The following CNGB3 variants were observed in gnomAD, a reference collection of about 807,000 sequenced individuals.
CNGB3 encodes cyclic nucleotide gated channel subunit beta 3.
A neutral mutation model predicts 92.8 loss-of-function variants in CNGB3; 86 were observed. That is an observed-to-expected ratio of 0.93 (90% CI 0.78 to 1.11). The LOEUF is 1.11. Among genes scored for constraint, CNGB3 ranks in the 50% least tolerant of loss-of-function variants. CNGB3 has a pLI of 0.00. For missense variants in CNGB3, 1,026 were observed against 956.8 expected, an observed-to-expected ratio of 1.07 and a Z score of -0.95; for synonymous variants, 333 against 332.7, an observed-to-expected ratio of 1.00 and a Z score of -0.01.
At chr8:86,620,701 A>C (rs1822708251) in intron 13 of CNGB3, among the ~76,000 whole-genome samples, 1 of 152,062 alleles carries the variant, frequency 6.6e-6, no homozygotes, top group African/African-American at 2.4e-5. Flanking sequence ...GGTGGCTTTC[A>C]GTGAAGGGAG....
chr8:86,693,073 T>A (rs1452196918), intron 3 of CNGB3, among the ~76,000 whole-genome samples: 1 of 152,214 alleles, frequency 6.6e-6, no homozygotes, highest in African/African-American at 2.4e-5. Context: ...CCTTCTGGCT[T>A]GCAGGGTTCC....
chr8:86,659,576 T>TA, intron 6 of CNGB3: 3 of 564,566 alleles, frequency 5.3e-6, no homozygotes, highest in South Asian at 4.9e-5. Flanking sequence ...CTTCTTCTGC[T>TA]ATGTAGAGAC....
At chr8:86,636,146 T>A (rs1392063949) in intron 10 of CNGB3, among the ~76,000 whole-genome samples, 1 of 152,056 alleles carries the variant, frequency 6.6e-6, no homozygotes, top group Non-Finnish European at 1.5e-5. Context: ...AACCTTCTTA[T>A]TTTTTGGATG....
At chr8:86,731,324 A>T (rs1825151214) in intron 2 of CNGB3, among the ~76,000 whole-genome samples, 2 of 152,306 alleles carry the variant, frequency 1.3e-5, no homozygotes, top group Admixed American at 1.3e-4. Flanking sequence ...GGAGGACAGG[A>T]TCTTTGCATG....
chr8:86,580,717 G>C (rs944638615), intron 15 of CNGB3, among the ~76,000 whole-genome samples: 3 of 152,186 alleles, frequency 2.0e-5, no homozygotes, highest in Non-Finnish European at 2.9e-5. Flanking sequence ...TGTCGTTACC[G>C]GTGATCTGAG....
At chr8:86,699,501 A>G (rs1329614129) in intron 3 of CNGB3, among the ~76,000 whole-genome samples, 2 of 152,140 alleles carry the variant, frequency 1.3e-5, no homozygotes, top group African/African-American at 4.8e-5. Flanking sequence ...TACATAAAAA[A>G]GACTACTGAA....
intron 13 of CNGB3, among the ~76,000 whole-genome samples, chr8:86,619,432 G>T (rs1822683769): frequency 1.3e-5 from 2 of 152,036 alleles, no homozygotes; most frequent in Middle Eastern, 3.2e-3. Context: ...TCATTTTTGT[G>T]AAAAATTAAT....
intron 11 of CNGB3, among the ~76,000 whole-genome samples, chr8:86,630,226 T>C (rs1418149070): frequency 6.6e-6 from 1 of 152,146 alleles, no homozygotes; most frequent in Non-Finnish European, 1.5e-5. Flanking sequence ...TAGATCTCAC[T>C]TTTCCATGCT....
chr8:86,597,274 A>G lies in CNGB3; in HGVS notation c.1781+6819T>C, dbSNP rs572924814. ...GTAACTGTGCATGAGAGGGAGCACA[A>G]CAGCCAGGGCTCATGGCTCAGAAGT... is the stretch of plus-strand genomic sequence containing the variant. On this transcript the variant is annotated intron_variant, in intron 15 of 17. Coordinates refer to ENST00000320005, the MANE Select transcript of CNGB3 (RefSeq NM_019098.5). Among the ~76,000 whole-genome samples the G allele has an allele frequency of 3.9e-5, 6 of 152,290 alleles. No individual in the cohort carries two copies. The South Asian group carries it at 1.2e-3, about 32-fold the overall frequency.
chr8:86,686,418 A>G (rs1276489352), intron 3 of CNGB3, among the ~76,000 whole-genome samples: 1 of 152,106 alleles, frequency 6.6e-6, no homozygotes, highest in Non-Finnish European at 1.5e-5. Flanking sequence ...TGCATTTGCA[A>G]CTTGATTTCT....
chr8:86,726,476 A>G (rs1374138338), intron 3 of CNGB3, 55 bp downstream of exon 3: 19 of 1,610,762 alleles, frequency 1.2e-5, no homozygotes, highest in Non-Finnish European at 1.6e-5. Flanking sequence ...TGAGCTCTTT[A>G]GGGCAGGCTG....
intron 6 of CNGB3, among the ~76,000 whole-genome samples, chr8:86,655,786 G>A (rs1299254352): frequency 6.6e-6 from 1 of 152,208 alleles, no homozygotes; most frequent in African/African-American, 2.4e-5. Context: ...AGTGATAGAT[G>A]ACTAGAGTGG....
At chr8:86,586,576 A>T (rs1245890314) in intron 15 of CNGB3, among the ~76,000 whole-genome samples, 1 of 149,142 alleles carries the variant, frequency 6.7e-6, no homozygotes, top group African/African-American at 2.5e-5. Flanking sequence ...TATGAGTGAG[A>T]ATATGCGGTG....
chr8:86,715,209 G>C (rs1824828665), intron 3 of CNGB3, among the ~76,000 whole-genome samples: 3 of 152,046 alleles, frequency 2.0e-5, no homozygotes, highest in Admixed American at 2.0e-4. Flanking sequence ...GCTCTTGAAA[G>C]CACCACCTCC....
intron 3 of CNGB3, among the ~76,000 whole-genome samples, chr8:86,688,976 TG>T (rs1405486576): frequency 1.3e-5 from 2 of 151,866 alleles, no homozygotes; most frequent in Non-Finnish European, 2.9e-5. Flanking sequence ...CCACGGGTCT[TG>T]GTATGTTGTG....
At chr8:86,623,124 A>G (rs1822774067) in intron 13 of CNGB3, among the ~76,000 whole-genome samples, 1 of 152,108 alleles carries the variant, frequency 6.6e-6, no homozygotes, top group Admixed American at 6.6e-5. Context: ...TCTTCTTTCC[A>G]TACTTACATC....
chr8:86,589,175 G>A (rs1271463577), intron 15 of CNGB3, among the ~76,000 whole-genome samples: 20 of 148,190 alleles, frequency 1.3e-4, no homozygotes, highest in African/African-American at 3.5e-4. Context: ...CTGTGGGATC[G>A]GTGGTGATAT....
chr8:86,668,765 G>A (rs146025237), intron 4 of CNGB3, among the ~76,000 whole-genome samples: 6 of 152,142 alleles, frequency 3.9e-5, no homozygotes, highest in African/African-American at 1.4e-4. Context: ...CTTGGCAAGG[G>A]GGCTTTGTCA....
At chr8:86,687,130 A>G (rs559602490) in intron 3 of CNGB3, among the ~76,000 whole-genome samples, 6 of 151,994 alleles carry the variant, frequency 3.9e-5, no homozygotes, top group Non-Finnish European at 7.4e-5. Context: ...AATGGACAAT[A>G]AGTGTTGGTG....
Sources: allele counts gnomAD v4.1 joint callset (sites outside exome capture counted in the v4.1 genomes callset), GRCh38; gene constraint gnomAD v4.1.1; transcripts MANE v1.5; gene names NCBI Gene and HGNC (gene_info 2026-07-23, HGNC 2026-07-21).